Variants in XKR7 observed in about 807,000 individuals in gnomAD.
XKR7 encodes the protein XK-related protein 7.
A neutral mutation model predicts 42.2 loss-of-function variants in XKR7; 11 were observed. The observed-to-expected ratio is 0.26, with a 90% confidence interval of 0.16 to 0.43. The LOEUF is 0.43. Ranked by LOEUF, XKR7 falls within the 20% of genes least tolerant of loss-of-function variation. The probability of loss-of-function intolerance (pLI) is 1.00; values close to 1 mark genes in which losing one functional copy is unlikely to be tolerated. For missense variants in XKR7, 710 were observed against 802.2 expected (o/e 0.89, Z 1.39); for synonymous variants, 346 against 366.4 (o/e 0.94, Z 0.64).
intron 1 of XKR7, chr20:31,970,693 A>G (rs2064461295): frequency 6.6e-6 from 1 of 152,174 alleles, no homozygotes; most frequent in South Asian, 2.1e-4. Flanking sequence ...TCCTGTAACA[A>G]TTTAGAAAGA....
Position 31,968,642 on chromosome 20 carries a change from A to G in XKR7, c.467A>G (p.Glu156Gly). The G allele has an allele frequency of 6.3e-7, 1 of 1,587,546 alleles. No individual in the cohort carries two copies. Among genetic ancestry groups the G allele is most frequent in the Non-Finnish European group, 8.5e-7 (1 of 1,173,458 alleles). The change falls in exon 1 of 3, where the codon GAG becomes GGG. Residue 156 changes from glutamate (E) to glycine (G), a missense_variant. Transcript: ENST00000562532. The surrounding 1 kb of genome is among the most constrained non-coding windows in gnomAD (Gnocchi z 4.5). ...GAFRTKEGSPEPGPQPAPSSA... is the reference protein window; with the variant it reads ...GAFRTKEGSPGPGPQPAPSSA... ...TTCCGGACCAAAGAAGGCAGCCCCG[A>G]GCCGGGTCCCCAGCCTGCGCCCTCC...
At chr20:31,987,222 A>G (rs1239277933) in intron 1 of XKR7, among the ~76,000 whole-genome samples, 1 of 148,194 alleles carries the variant, frequency 6.7e-6, no homozygotes, top group African/African-American at 2.5e-5. Context: ...GACCTCCAAG[A>G]GGACCCAGTA....
intron 1 of XKR7, among the ~76,000 whole-genome samples, chr20:31,981,809 C>T (rs1019620578): frequency 3.3e-5 from 5 of 152,218 alleles, no homozygotes; most frequent in Admixed American, 2.6e-4. Flanking sequence ...CCTTCTCTGA[C>T]GGCAGCCATT....
intron 1 of XKR7, among the ~76,000 whole-genome samples, chr20:31,971,294 A>G (rs1189374469): frequency 1.3e-5 from 2 of 152,154 alleles, no homozygotes. Context: ...ACCTTGGGCA[A>G]GGCTCTTTCC....
At chr20:31,975,218 G>A (rs1009994985) in intron 1 of XKR7, among the ~76,000 whole-genome samples, 1 of 152,032 alleles carries the variant, frequency 6.6e-6, no homozygotes, top group South Asian at 2.1e-4. Context: ...ATCAGCCTCC[G>A]GTTATCACCC....
chr20:31,968,658 T>C lies in XKR7; in HGVS notation c.483T>C (p.Pro161=), dbSNP rs1224710395. The part of the protein sequence containing the change: ...KEGSPEPGPQ[P]APSSASAYRR... ...GCAGCCCCGAGCCGGGTCCCCAGCCTGCGCCCTCCTCGGCCAGCGCCTACC... is the reference window on the plus strand; with the variant it reads ...GCAGCCCCGAGCCGGGTCCCCAGCCCGCGCCCTCCTCGGCCAGCGCCTACC... The change falls in exon 1 of 3, where the codon CCT becomes CCC. Residue 161 remains proline, a synonymous_variant. Transcript: ENST00000562532. This position sits in a 1 kb window ranked among gnomAD's most constrained non-coding sequence, Gnocchi z 4.5. The C allele has an allele frequency of 2.5e-6, 4 of 1,575,322 alleles. No individual in the cohort carries two copies. Among genetic ancestry groups the C allele is most frequent in the Non-Finnish European group, 3.4e-6 (4 of 1,168,100 alleles).
rs940513266 is a variant in XKR7 at position 31,996,641 on chromosome 20, C to T, written c.924C>T (p.Phe308=). Reference sequence around the variant, plus strand: ...TGGCACAGGTGCTGTGGCACCTGTTCAGCATTGCCGCCCGCGGCCTGGCCT... The same window carrying T: ...TGGCACAGGTGCTGTGGCACCTGTTTAGCATTGCCGCCCGCGGCCTGGCCT... ...GAVAQVLWHL[F]SIAARGLAFA... The change falls in exon 3 of 3, where the codon TTC becomes TTT. Residue 308 remains phenylalanine (F), a synonymous_variant. Coordinates refer to ENST00000562532, the MANE Select transcript of XKR7 (RefSeq NM_001011718.2). 6.3e-7 allele frequency: 1 copy of T among 1,592,602 alleles called. No individual in the cohort carries two copies. The highest frequency in any genetic ancestry group is 8.6e-7 in the Non-Finnish European group (1 of 1,168,338).
intron 1 of XKR7, among the ~76,000 whole-genome samples, chr20:31,987,224 G>A (rs146281605): frequency 1.4e-3 from 202 of 141,102 alleles, no homozygotes; most frequent in African/African-American, 5.1e-3. Flanking sequence ...CCTCCAAGAG[G>A]ACCCAGTATT....
At chr20:31,991,274 C>T (rs769321989) in intron 1 of XKR7, among the ~76,000 whole-genome samples, 1 of 152,122 alleles carries the variant, frequency 6.6e-6, no homozygotes, top group African/African-American at 2.4e-5. Context: ...ACCAGCTGGT[C>T]TCTCCTTCCT....
At chr20:31,981,942 G>A (rs1010601132) in intron 1 of XKR7, among the ~76,000 whole-genome samples, 2 of 152,146 alleles carry the variant, frequency 1.3e-5, no homozygotes, top group African/African-American at 4.8e-5. Context: ...TCGTGGCTCA[G>A]TAGTCACCTC....
Position 31,995,611 on chromosome 20 carries a change from G to A in XKR7, c.787+341G>A, listed in dbSNP as rs113507855. Among the ~76,000 whole-genome samples, 1 of 151,854 alleles carries A rather than the reference G, an allele frequency of 6.6e-6. No individual in the cohort carries two copies. The highest frequency in any genetic ancestry group is 1.5e-5 in the Non-Finnish European group (1 of 67,922). On this transcript the variant is annotated intron_variant, in intron 2 of 2. Transcript: ENST00000562532. The surrounding 1 kb of genome is among the most constrained non-coding windows in gnomAD (Gnocchi z 4.1). The stretch of plus-strand genomic sequence containing the variant: ...CCCACCCAAACACCTTAGACCCTCT[G>A]GGGAATCCCCTGCCCACTTCCTTCC...
intron 1 of XKR7, among the ~76,000 whole-genome samples, chr20:31,981,061 T>C (rs1348692507): frequency 6.6e-4 from 84 of 128,030 alleles, no homozygotes; most frequent in African/African-American, 2.6e-3. Context: ...TGAGACCCTG[T>C]CTCAAAAAAA....
At chr20:31,972,609 C>T (rs2064469894) in intron 1 of XKR7, among the ~76,000 whole-genome samples, 1 of 152,206 alleles carries the variant, frequency 6.6e-6, no homozygotes, top group Non-Finnish European at 1.5e-5. Flanking sequence ...TCCTGCTTTT[C>T]CTAATCTTGA....
At chr20:31,996,470 A>C (rs976168115) in intron 2 of XKR7, 35 bp from the exon 3 acceptor site, 13 of 401,330 alleles carry the variant, frequency 3.2e-5, no homozygotes, top group Non-Finnish European at 5.5e-5. Flanking sequence ...CCCGCCCCTA[A>C]CCCAGCCCAC....
chr20:31,995,206 G>T lies in XKR7; in HGVS notation c.723G>T (p.Ala241=). The T allele has an allele frequency of 6.5e-7, 1 of 1,545,878 alleles. No individual in the cohort carries two copies. Among genetic ancestry groups the T allele is most frequent in the Non-Finnish European group, 8.7e-7 (1 of 1,146,114 alleles). Reference sequence around the variant, plus strand: ...TGCTGGAGACCTTCCTGCGCAGCGCGCCGCAGCTAGTGCTGCAGCTCAGCC... The same window carrying T: ...TGCTGGAGACCTTCCTGCGCAGCGCTCCGCAGCTAGTGCTGCAGCTCAGCC... The part of the protein sequence containing the change: ...LRLLETFLRS[A]PQLVLQLSLL... The change falls in exon 2 of 3, where the codon GCG becomes GCT. Residue 241 remains alanine, a synonymous_variant. Coordinates refer to ENST00000562532, the MANE Select transcript of XKR7 (RefSeq NM_001011718.2). This position sits in a 1 kb window ranked among gnomAD's most constrained non-coding sequence, Gnocchi z 4.1.
At chr20:31,977,833 G>A (rs1231421911) in intron 1 of XKR7, among the ~76,000 whole-genome samples, 2 of 152,192 alleles carry the variant, frequency 1.3e-5, no homozygotes, top group Non-Finnish European at 2.9e-5. Flanking sequence ...CCGAGGGTGT[G>A]AACTCCACAT....
rs1323549334 is a variant in XKR7, at chr20:31,979,008, G to A, written c.584+10249G>A. Among the ~76,000 whole-genome samples the A allele has an allele frequency of 4.6e-5, 7 of 151,988 alleles. No homozygotes were observed. The South Asian group carries it at 6.2e-4, about 14-fold the overall frequency. ...AAATTAGCTGGGCATGGTGGCACAC[G>A]CCTGTAGTCCCAGCTACTCAGGAGG... On this transcript the variant is annotated intron_variant, in intron 1 of 2. Transcript: ENST00000562532.
Position 32,000,145 on chromosome 20 carries a change from T to A in XKR7, c.*2688T>A, listed in dbSNP as rs546222668. 9 of 151,098 alleles carry A rather than the reference T, an allele frequency of 6.0e-5. No individual in the cohort carries two copies. The highest frequency in any genetic ancestry group is 2.2e-4 in the African/African-American group (9 of 40,450). 9.4% of individuals were successfully genotyped at this position (151,098 alleles called of 1,614,324 possible). On this transcript the variant is annotated 3_prime_UTR_variant, in exon 3 of 3. Transcript: ENST00000562532. ...CTCCTGCTTCTCACCCTCAGAAGAG[T>A]CTCAGCCCTTAAAGGACTCTCCACC...
At chr20:31,980,746 C>T (rs1169314542) in intron 1 of XKR7, among the ~76,000 whole-genome samples, 2 of 152,098 alleles carry the variant, frequency 1.3e-5, no homozygotes, top group East Asian at 3.9e-4. Flanking sequence ...TAAAACCTTC[C>T]TGTGGCTCTC....
Sources: gnomAD v4.1 joint callset for allele counts (sites outside exome capture counted in the v4.1 genomes callset) on GRCh38, gnomAD v4.1.1 for gene constraint, Gnocchi (gnomAD v3.1) non-coding constraint, MANE v1.5 for transcripts, NCBI Gene and HGNC (gene_info 2026-07-23, HGNC 2026-07-21) for gene names.